GSAP: variants seen among roughly 807,000 people sequenced by gnomAD.
GSAP encodes gamma-secretase activating protein, also known as gamma-secretase-activating protein.
A neutral mutation model predicts 131.7 loss-of-function variants in GSAP; 118 were observed. The observed-to-expected ratio is 0.90, with a 90% CI of 0.77 to 1.04. GSAP has a LOEUF of 1.04. GSAP is among the 50% of genes least tolerant of loss of function. The probability of loss-of-function intolerance (pLI) is 0.00; values close to 1 mark genes in which losing one functional copy is unlikely to be tolerated. For synonymous variants in GSAP, 381 were observed against 363.4 expected, an observed-to-expected ratio of 1.05 and a Z score of -0.55; for missense variants, 1,019 against 1,013.2, an observed-to-expected ratio of 1.01 and a Z score of -0.08.
At chr7:77,334,364 G>A (rs544379482) in intron 19 of GSAP, among the ~76,000 whole-genome samples, 8 of 151,948 alleles carry the variant, frequency 5.3e-5, no homozygotes, top group African/African-American at 1.7e-4. Context: ...ATAAGTAGGA[G>A]CTGAACAATG....
intron 5 of GSAP, among the ~76,000 whole-genome samples, chr7:77,394,600 G>C (rs558774660): frequency 1.3e-5 from 2 of 152,298 alleles, no homozygotes; most frequent in African/African-American, 4.8e-5. Flanking sequence ...ATTGGCATAA[G>C]AGACTGGGAA....
At position 77,346,796 on chromosome 7, in the gene GSAP, G is replaced by A. The variant is rs763001274; in HGVS notation, c.1545+2555C>T. Among the ~76,000 whole-genome samples the A allele has an allele frequency of 1.7e-4, 26 of 152,046 alleles. 1 individual carries two copies. Among genetic ancestry groups the A allele is most frequent in the Non-Finnish European group, 1.3e-4 (9 of 68,014 alleles). On this transcript the variant is annotated intron_variant, in intron 19 of 30. Transcript: ENST00000257626. ...CATCCACCCACTCCTGGTTCACAAT[G>A]CCCATAGCCTTTGTTACAGCCTGAT... is the stretch of plus-strand genomic sequence containing the variant.
chr7:77,358,069 G>A (rs112734945), intron 14 of GSAP, among the ~76,000 whole-genome samples: 7 of 152,240 alleles, frequency 4.6e-5, no homozygotes, highest in East Asian at 3.9e-4. Flanking sequence ...GGCTGGGCAC[G>A]GTGGCTCACG....
At position 77,381,333 on chromosome 7, in the gene GSAP, T is replaced by G. The variant is rs773099814; in HGVS notation, c.548A>C (p.His183Pro). The G allele has an allele frequency of 2.6e-6, 4 of 1,557,572 alleles. No individual in the cohort carries two copies. In the South Asian group the frequency reaches 4.8e-5, roughly 19 times the overall value. ...TCTATTTCCATCTTCTTGGGCGACATGGATACGAAATTGTTCAATATCTTT... is the reference window on the plus strand; with the variant it reads ...TCTATTTCCATCTTCTTGGGCGACAGGGATACGAAATTGTTCAATATCTTT... Reference protein sequence around the residue: ...EEKYIEQFRIHVAQEDGNRVV... With the variant: ...EEKYIEQFRIPVAQEDGNRVV... Residue 183 changes from histidine (H) to proline (P), a missense_variant, in exon 8 of 31, where the codon CAT (histidine) becomes CCT (proline). Physicochemically the swap from His to Pro is moderately conservative, Grantham distance 77. Transcript: ENST00000257626.
rs748474240 is a variant in GSAP at position 77,362,664 on chromosome 7, G to A, written c.872-4C>T. The stretch of plus-strand genomic sequence containing the variant: ...CTGTAACATACACACAAACTTCCTA[G>A]AAGAAAAAGGATATTTAGTAGAGTT... On this transcript the variant is annotated splice_region_variant and splice_polypyrimidine_tract_variant and intron_variant, in intron 12 of 30. Coordinates refer to ENST00000257626, the MANE Select transcript of GSAP (RefSeq NM_017439.4). 8 of 1,517,534 alleles carry A rather than the reference G, an allele frequency of 5.3e-6. No individual in the cohort carries two copies. The highest frequency in any genetic ancestry group is 3.4e-5 in the Admixed American group (2 of 59,422). 94.0% of individuals were successfully genotyped at this position (1,517,534 alleles called of 1,614,324 possible).
chr7:77,402,803 C>T (rs1011287788), intron 3 of GSAP, among the ~76,000 whole-genome samples: 2 of 151,752 alleles, frequency 1.3e-5, no homozygotes, highest in South Asian at 4.2e-4. Flanking sequence ...GTTTACAAAG[C>T]TAGTTTAAAT....
intron 10 of GSAP, among the ~76,000 whole-genome samples, chr7:77,376,031 CT>C (rs1796800053): frequency 6.6e-6 from 1 of 152,020 alleles, no homozygotes; most frequent in Non-Finnish European, 1.5e-5. Flanking sequence ...TTCCAAATAG[CT>C]TTTTCAGGGG....
chr7:77,377,391 C>G lies in GSAP; in HGVS notation c.577-1G>C. 7.2e-7 allele frequency: 1 copy of G among 1,397,344 alleles called. No homozygotes were observed. The highest frequency in any genetic ancestry group is 9.3e-7 in the Non-Finnish European group (1 of 1,070,248). 86.6% of individuals were successfully genotyped at this position (1,397,344 alleles called of 1,614,324 possible). Reference sequence around the variant, plus strand: ...GGAGATGGCCAGAATTTTTAATCACCTAAAAATGCAAAAAAAAAAAAAAAA... The same window carrying G: ...GGAGATGGCCAGAATTTTTAATCACGTAAAAATGCAAAAAAAAAAAAAAAA... On this transcript the variant is annotated splice_acceptor_variant, in intron 8 of 30. Coordinates refer to ENST00000257626, the MANE Select transcript of GSAP (RefSeq NM_017439.4). LOFTEE classifies it high-confidence loss of function.
At chr7:77,382,755 C>T (rs1797988600) in intron 6 of GSAP, 112 bp from the exon 7 acceptor site, 1 of 610,742 alleles carries the variant, frequency 1.6e-6, no homozygotes, top group Non-Finnish European at 3.0e-6. Flanking sequence ...AACTGGGAAT[C>T]ACAGAAGAGT....
At chr7:77,345,025 T>A (rs1382939080) in intron 19 of GSAP, among the ~76,000 whole-genome samples, 1 of 152,214 alleles carries the variant, frequency 6.6e-6, no homozygotes, top group Non-Finnish European at 1.5e-5. Flanking sequence ...TATGACAACA[T>A]AAAAATCTAA....
Position 77,338,503 on chromosome 7 carries a change from C to T in GSAP, c.1546-8136G>A, listed in dbSNP as rs185316103. Reference sequence around the variant, plus strand: ...AGCAGGTACACCAAAATACCATAAACTGGATGGCTTATCAACAAATTTATT... The same window carrying T: ...AGCAGGTACACCAAAATACCATAAATTGGATGGCTTATCAACAAATTTATT... On this transcript the variant is annotated intron_variant, in intron 19 of 30. Coordinates refer to ENST00000257626, the MANE Select transcript of GSAP (RefSeq NM_017439.4). Among the ~76,000 whole-genome samples, 4 of 152,298 alleles carry T rather than the reference C, an allele frequency of 2.6e-5. No homozygotes were observed. The East Asian group carries it at 5.8e-4, about 22-fold the overall frequency.
intron 1 of GSAP, among the ~76,000 whole-genome samples, chr7:77,407,789 A>G (rs1004192343): frequency 6.6e-6 from 1 of 152,226 alleles, no homozygotes; most frequent in Non-Finnish European, 1.5e-5. Context: ...ATATATACAT[A>G]TATTTAGCAA....
chr7:77,405,397 CAT>C (rs1357625651), intron 2 of GSAP, among the ~76,000 whole-genome samples: 5 of 152,142 alleles, frequency 3.3e-5, no homozygotes, highest in Non-Finnish European at 4.4e-5. Context: ...AAAATGTTAA[CAT>C]ATTAATTAGG....
intron 14 of GSAP, among the ~76,000 whole-genome samples, chr7:77,358,248 G>C (rs1794046673): frequency 6.6e-6 from 1 of 152,170 alleles, no homozygotes; most frequent in Non-Finnish European, 1.5e-5. Context: ...AGGCTGAGGT[G>C]GGAGGATAGT....
chr7:77,341,757 T>G (rs1790931857), intron 19 of GSAP, among the ~76,000 whole-genome samples: 1 of 152,156 alleles, frequency 6.6e-6, no homozygotes, highest in African/African-American at 2.4e-5. Context: ...ATTCCGGCCC[T>G]CAAACCCCAT....
At chr7:77,353,666 G>C (rs549691131) in intron 16 of GSAP, 25 bp from the exon 17 acceptor site, 4 of 1,494,802 alleles carry the variant, frequency 2.7e-6, no homozygotes, top group Non-Finnish European at 3.7e-6. Flanking sequence ...ACAGAACTCT[G>C]TTGGTATTTA....
chr7:77,353,767 C>T, intron 16 of GSAP, 126 bp from the exon 17 acceptor site: 1 of 625,148 alleles, frequency 1.6e-6, no homozygotes, highest in Non-Finnish European at 2.8e-6. Flanking sequence ...TAAGAATATA[C>T]TCACTTCTAT....
intron 6 of GSAP, among the ~76,000 whole-genome samples, chr7:77,384,487 T>C (rs964195768): frequency 5.9e-5 from 9 of 152,208 alleles, no homozygotes; most frequent in African/African-American, 2.2e-4. Context: ...AGTAGGATTC[T>C]ATGCAGATTA....
chr7:77,400,218 C>T (rs1259510981), intron 3 of GSAP, among the ~76,000 whole-genome samples: 2 of 152,252 alleles, frequency 1.3e-5, no homozygotes, highest in African/African-American at 2.4e-5. Context: ...TCAGGACTTT[C>T]AACCATTCCC....
Sources: gnomAD v4.1 joint callset for allele counts (sites outside exome capture counted in the v4.1 genomes callset) on GRCh38, gnomAD v4.1.1 for gene constraint, MANE v1.5 for transcripts, NCBI Gene and HGNC (gene_info 2026-07-23, HGNC 2026-07-21) for gene names.